The following CEP85L variants were observed in gnomAD, a reference collection of about 807,000 sequenced individuals.
The protein encoded by CEP85L is centrosomal protein of 85 kDa-like.
Under a neutral mutation model 100.3 loss-of-function variants are expected in CEP85L, and 60 were observed. The observed-to-expected ratio is 0.60, with a 90% confidence interval of 0.49 to 0.74. CEP85L has a LOEUF of 0.74. Ranked by LOEUF, CEP85L falls within the 30% of genes least tolerant of loss-of-function variation. The pLI is 0.00. For synonymous variants in CEP85L, 319 were observed against 322.7 expected, an observed-to-expected ratio of 0.99 and a Z score of 0.12; for missense variants, 973 against 936.2, an observed-to-expected ratio of 1.04 and a Z score of -0.51.
rs975784272 is a variant in CEP85L, at chr6:118,488,140, C to T, written c.1437+3546G>A. On this transcript the variant is annotated intron_variant, in intron 6 of 12. Coordinates refer to ENST00000368491, the MANE Select transcript of CEP85L (RefSeq NM_001042475.3). The stretch of plus-strand genomic sequence containing the variant: ...AGTGATAGCTATTTTATATAATATA[C>T]AAGTATCAACTTAAAGAGGGAGGAA... Among the ~76,000 whole-genome samples, 17 of 152,060 alleles carry T rather than the reference C, an allele frequency of 1.1e-4. 1 individual carries two copies. The highest frequency in any genetic ancestry group is 8.3e-4 in the South Asian group (4 of 4,810).
At chr6:118,482,514 G>C (rs1175845906) in intron 7 of CEP85L, among the ~76,000 whole-genome samples, 1 of 152,106 alleles carries the variant, frequency 6.6e-6, no homozygotes, top group Non-Finnish European at 1.5e-5. Flanking sequence ...TAATCCATAC[G>C]ATAGCATGTG....
intron 2 of CEP85L, among the ~76,000 whole-genome samples, chr6:118,625,282 A>G (rs1415952689): frequency 1.3e-5 from 2 of 152,216 alleles, no homozygotes; most frequent in Non-Finnish European, 2.9e-5. Flanking sequence ...AGGGCACCCC[A>G]AAAGAGTTAT....
At chr6:118,649,994 C>G (rs1196724306) in intron 1 of CEP85L, among the ~76,000 whole-genome samples, 2 of 152,180 alleles carry the variant, frequency 1.3e-5, no homozygotes, top group Non-Finnish European at 2.9e-5. Context: ...ATACTAGTGA[C>G]TCGGTCAGTG....
At chr6:118,489,481 G>T (rs987670510) in intron 6 of CEP85L, among the ~76,000 whole-genome samples, 7 of 152,136 alleles carry the variant, frequency 4.6e-5, no homozygotes, top group African/African-American at 1.7e-4. Context: ...GACACCTCAT[G>T]TATAACCAAA....
intron 3 of CEP85L, chr6:118,548,278 C>T (rs1463308203): frequency 5.3e-5 from 8 of 152,094 alleles, no homozygotes; most frequent in African/African-American, 1.9e-4. Flanking sequence ...TTCTCCTCCA[C>T]CTACTGCAAC....
intron 1 of CEP85L, among the ~76,000 whole-genome samples, chr6:118,709,865 G>A (rs1193416999): frequency 2.0e-5 from 3 of 152,040 alleles, no homozygotes; most frequent in East Asian, 1.9e-4. Flanking sequence ...GTTGCAGGGG[G>A]TGTTTCCTTG....
chr6:118,681,006 A>T lies in CEP85L; in HGVS notation c.-27-28198T>A, dbSNP rs553343686. On this transcript the variant is annotated intron_variant, in intron 1 of 13. Coordinates refer to the CEP85L transcript ENST00000368488. Reference sequence around the variant, plus strand: ...AAACGGAACTTGGTTTTGAATCCACAACAGAACTATTGTGCGTGTGACATT... The same window carrying T: ...AAACGGAACTTGGTTTTGAATCCACTACAGAACTATTGTGCGTGTGACATT... Among the ~76,000 whole-genome samples, 5 of 152,340 alleles carry T rather than the reference A, an allele frequency of 3.3e-5. No homozygotes were observed. The South Asian group carries it at 1.0e-3, about 32-fold the overall frequency.
intron 1 of CEP85L, among the ~76,000 whole-genome samples, chr6:118,708,977 T>C (rs977576097): frequency 2.6e-5 from 4 of 152,118 alleles, no homozygotes; most frequent in Non-Finnish European, 5.9e-5. Flanking sequence ...AGAAAAAGAA[T>C]GACTAACACT....
rs1772443475 is a variant in CEP85L, at chr6:118,465,469, T to C, written c.2354A>G (p.Glu785Gly). The change falls in exon 13 of 13, where the codon GAA (glutamate) becomes GGA (glycine). Residue 785 changes from glutamate to glycine, a missense_variant. By Grantham distance (98) the Glu-to-Gly change is moderately conservative. Transcript: ENST00000368491. Reference protein sequence around the residue: ...DVCQLRRDIDELRTTISDRYA... With the variant: ...DVCQLRRDIDGLRTTISDRYA... ...GCGGTCTGATATTGTAGTCCTTAAT[T>C]CATCAATGTCTCTTCGTAACTGGCA... 4 of 1,613,678 alleles carry C rather than the reference T, an allele frequency of 2.5e-6. No homozygotes were observed. Among genetic ancestry groups the C allele is most frequent in the Non-Finnish European group, 3.4e-6 (4 of 1,179,648 alleles).
chr6:118,560,191 T>C (rs550818264), intron 3 of CEP85L: 1 of 167,110 alleles, frequency 6.0e-6, no homozygotes, highest in African/African-American at 2.4e-5. Flanking sequence ...CCCTTGAACA[T>C]GGGGGTTAGG....
intron 5 of CEP85L, among the ~76,000 whole-genome samples, chr6:118,500,969 G>A (rs550748784): frequency 2.6e-5 from 4 of 152,270 alleles, no homozygotes; most frequent in South Asian, 2.1e-4. Context: ...TCTTGATCTC[G>A]CTTATTTTTG....
chr6:118,578,444 C>T (rs368124034), intron 2 of CEP85L, among the ~76,000 whole-genome samples: 1 of 152,202 alleles, frequency 6.6e-6, no homozygotes, highest in Admixed American at 6.5e-5. Flanking sequence ...GGAATAAAAA[C>T]CCTTTGGCCG....
At chr6:118,609,643 A>G (rs920196411) in intron 2 of CEP85L, among the ~76,000 whole-genome samples, 3 of 152,216 alleles carry the variant, frequency 2.0e-5, no homozygotes, top group African/African-American at 7.2e-5. Flanking sequence ...CACACCAATG[A>G]ACAATATGGG....
chr6:118,523,815 T>C lies in CEP85L; in HGVS notation c.1126A>G (p.Ile376Val). 1.3e-6 allele frequency: 2 copies of C among 1,527,594 alleles called. No individual in the cohort carries two copies. The highest frequency in any genetic ancestry group is 2.3e-5 in the East Asian group (1 of 44,338). 94.6% of individuals were successfully genotyped at this position (1,527,594 alleles called of 1,614,324 possible). A position where few individuals can be genotyped will look rare whatever the true frequency, so the allele number is the denominator to read the frequency against. Reference sequence around the variant, plus strand: ...AAATAGACTCACCGATCGATTACAATTTCTTTCTGCCTTAGAAGTCCTTCT... The same window carrying C: ...AAATAGACTCACCGATCGATTACAACTTCTTTCTGCCTTAGAAGTCCTTCT... ...IKEGLLRQKE[I>V]VIDRQKQQIT... The change falls in exon 4 of 13, where the codon ATT (isoleucine) becomes GTT (valine). Residue 376 changes from isoleucine (I) to valine (V), a missense_variant. Physicochemically the swap from Ile to Val is conservative, Grantham distance 29. This residue lies in a region of CEP85L where 890 missense variants were observed against 844.5 expected (regional missense o/e 1.05). Coordinates refer to ENST00000368491, the MANE Select transcript of CEP85L (RefSeq NM_001042475.3).
chr6:118,465,969 G>A lies in CEP85L; in HGVS notation c.2255-401C>T, dbSNP rs1280113708. ...TTACATATTTACGACTGCAAAGTGG[G>A]TTTACTGCCATGAAAATATTAATTT... is the stretch of plus-strand genomic sequence containing the variant. On this transcript the variant is annotated intron_variant, in intron 12 of 12. Transcript: ENST00000368491. Among the ~76,000 whole-genome samples, 7 of 152,072 alleles carry A rather than the reference G, an allele frequency of 4.6e-5. No homozygotes were observed. In the South Asian group the frequency reaches 1.5e-3, roughly 32 times the overall value.
At chr6:118,479,090 G>A (rs1259615833) in intron 10 of CEP85L, among the ~76,000 whole-genome samples, 1 of 152,074 alleles carries the variant, frequency 6.6e-6, no homozygotes, top group Non-Finnish European at 1.5e-5. Flanking sequence ...ACAATCTAGA[G>A]GTTCTAATGG....
At chr6:118,548,165 T>A (rs1778321201) in intron 3 of CEP85L, 3 of 152,074 alleles carry the variant, frequency 2.0e-5, no homozygotes, top group Non-Finnish European at 4.4e-5. Context: ...ATACCTAAAG[T>A]AAGAAGTTCT....
At chr6:118,555,735 T>C (rs1224142524) in intron 3 of CEP85L, among the ~76,000 whole-genome samples, 1 of 152,152 alleles carries the variant, frequency 6.6e-6, no homozygotes, top group Non-Finnish European at 1.5e-5. Context: ...GCTTGTTGTA[T>C]GTATTACTTC....
chr6:118,632,079 T>C (rs1774198736), intron 2 of CEP85L, among the ~76,000 whole-genome samples: 1 of 152,170 alleles, frequency 6.6e-6, no homozygotes. Flanking sequence ...AAGCTCCGCC[T>C]CCTGGGTTCA....
Sources: gnomAD v4.1 joint callset for allele counts (sites outside exome capture counted in the v4.1 genomes callset) on GRCh38, gnomAD v4.1.1 for gene constraint, gnomAD v4.1.1 regional missense constraint, MANE v1.5 for transcripts, NCBI Gene and HGNC (gene_info 2026-07-23, HGNC 2026-07-21) for gene names.